The following PTPRK variants were observed in gnomAD, a reference collection of about 807,000 sequenced individuals.
PTPRK encodes receptor-type tyrosine-protein phosphatase kappa.
A neutral mutation model predicts 178.0 loss-of-function variants in PTPRK; 75 were observed. The observed-to-expected ratio is 0.42, with a 90% CI of 0.35 to 0.51. The LOEUF (loss-of-function observed/expected upper bound fraction) is 0.51, where lower values mean the gene tolerates loss of function less well. Among genes scored for constraint, PTPRK ranks in the 20% least tolerant of loss-of-function variants. PTPRK has a pLI of 0.02. For missense variants in PTPRK, 1,441 were observed against 1,797.8 expected (o/e 0.80, Z 3.59); for synonymous variants, 637 against 620.6 (o/e 1.03, Z -0.39).
rs185665030 is a variant in PTPRK at position 128,003,275 on chromosome 6, A to G, written c.2494+1809T>C. The G allele has an allele frequency of 1.1e-4, 167 of 1,529,132 alleles. 1 individual carries two copies. The African/African-American group carries it at 1.9e-3, about 18-fold the overall frequency. The allele number at this position is 1,529,132 out of a possible 1,614,324, so 94.7% of individuals were successfully genotyped here. A position where few individuals can be genotyped will look rare whatever the true frequency, so the allele number is the denominator to read the frequency against. ...TCATGAAGGAATATATTGCTCTAAA[A>G]TTGTTTTTTAAAATCTTTTTTCTTT... On this transcript the variant is annotated intron_variant, in intron 15 of 29. Transcript: ENST00000368226.
intron 1 of PTPRK, among the ~76,000 whole-genome samples, chr6:128,474,637 TCA>T (rs1344017732): frequency 6.6e-6 from 1 of 152,072 alleles, no homozygotes; most frequent in East Asian, 1.9e-4. Flanking sequence ...AACTGAAAAC[TCA>T]CAAGTGCCTC....
chr6:128,161,032 G>A (rs1798631639), intron 7 of PTPRK, among the ~76,000 whole-genome samples: 1 of 151,506 alleles, frequency 6.6e-6, no homozygotes, highest in East Asian at 1.9e-4. Flanking sequence ...AGACCAGATG[G>A]TCTTGTATTC....
Position 128,513,153 on chromosome 6 carries a change from G to A in PTPRK, c.100+7106C>T, listed in dbSNP as rs139065629. Among the ~76,000 whole-genome samples the A allele has an allele frequency of 3.5e-3, 534 of 151,996 alleles. 4 individuals are homozygous for A. Among genetic ancestry groups the A allele is most frequent in the African/African-American group, 0.012 (499 of 41,454 alleles). Reference sequence around the variant, plus strand: ...ATAGTACTGTTGTTTTGATGTGTCTGGAATATTAAATAATAATCAAGTAAA... The same window carrying A: ...ATAGTACTGTTGTTTTGATGTGTCTAGAATATTAAATAATAATCAAGTAAA... On this transcript the variant is annotated intron_variant, in intron 1 of 29. Transcript: ENST00000368226.
intron 3 of PTPRK, among the ~76,000 whole-genome samples, chr6:128,306,127 A>T (rs1826343669): frequency 1.3e-5 from 2 of 152,300 alleles, no homozygotes; most frequent in South Asian, 4.1e-4. Context: ...CCCTTGGCAC[A>T]TGGAGATTAT....
chr6:128,268,985 G>A (rs1819374857), intron 3 of PTPRK, among the ~76,000 whole-genome samples: 1 of 151,970 alleles, frequency 6.6e-6, no homozygotes, highest in African/African-American at 2.4e-5. Context: ...ATCAGAAACT[G>A]TATGGTTAAC....
At chr6:128,260,868 C>A (rs1367836221) in intron 3 of PTPRK, among the ~76,000 whole-genome samples, 1 of 152,136 alleles carries the variant, frequency 6.6e-6, no homozygotes. Flanking sequence ...AAAAATACTG[C>A]TTTAGCAAGC....
chr6:128,420,992 T>C (rs973237735), intron 1 of PTPRK, among the ~76,000 whole-genome samples: 2 of 152,260 alleles, frequency 1.3e-5, no homozygotes, highest in African/African-American at 2.4e-5. Flanking sequence ...TATGTTATTG[T>C]TTGCCAGCAT....
chr6:128,083,672 C>T (rs1250992136), intron 9 of PTPRK, 43 bp downstream of exon 9: 1 of 1,231,026 alleles, frequency 8.1e-7, no homozygotes, highest in African/African-American at 1.5e-5. Context: ...TCCTTTTAGT[C>T]CTTCAATCCA....
rs1322197369 is a variant in PTPRK, at chr6:128,194,028, G to C, written c.869-9303C>G. On this transcript the variant is annotated intron_variant, in intron 6 of 29. Coordinates refer to ENST00000368226, the MANE Select transcript of PTPRK (RefSeq NM_002844.4). The stretch of plus-strand genomic sequence containing the variant: ...TTCATTAATATCCATGTAGTGAATT[G>C]GTTTAGAATGATAAATCGCAATAAT... 6.1e-5 allele frequency among the ~76,000 whole-genome samples: 9 copies of C among 148,440 alleles called. No homozygotes were observed. In the South Asian group the frequency reaches 1.7e-3, roughly 28 times the overall value.
chr6:128,123,928 G>A (rs369678782), intron 7 of PTPRK, among the ~76,000 whole-genome samples: 1 of 152,180 alleles, frequency 6.6e-6, no homozygotes, highest in African/African-American at 2.4e-5. Flanking sequence ...ACCACAGCAA[G>A]AGCGTATACT....
intron 7 of PTPRK, among the ~76,000 whole-genome samples, chr6:128,170,272 C>T (rs1257905016): frequency 3.3e-5 from 5 of 151,984 alleles, no homozygotes; most frequent in Admixed American, 3.3e-4. Context: ...GGGAAGATAG[C>T]TACATCTTTG....
intron 16 of PTPRK, among the ~76,000 whole-genome samples, chr6:127,997,249 A>G (rs780726289): frequency 2.6e-5 from 4 of 152,166 alleles, no homozygotes; most frequent in African/African-American, 4.8e-5. Flanking sequence ...TTTTAAAATT[A>G]AGATCACTAT....
At chr6:128,298,896 AG>A (rs1308359859) in intron 3 of PTPRK, among the ~76,000 whole-genome samples, 1 of 152,294 alleles carries the variant, frequency 6.6e-6, no homozygotes, top group South Asian at 2.1e-4. Flanking sequence ...AAGGAAATAA[AG>A]GGTATTCAAT....
At chr6:128,029,933 T>C (rs554633856) in intron 13 of PTPRK, among the ~76,000 whole-genome samples, 3 of 152,016 alleles carry the variant, frequency 2.0e-5, no homozygotes, top group South Asian at 4.2e-4. Flanking sequence ...TAAGGGAGTG[T>C]TGTCAGATGA....
rs944740293 is a variant in PTPRK at position 127,973,939 on chromosome 6, G to A, written c.3970-112C>T. On this transcript the variant is annotated intron_variant, in intron 27 of 29. Coordinates refer to ENST00000368226, the MANE Select transcript of PTPRK (RefSeq NM_002844.4). The stretch of plus-strand genomic sequence containing the variant: ...TGGCATCTACACTGGATTGAGTCTA[G>A]CTGATATAAATCCTCAATATGTACA... The A allele has an allele frequency of 2.8e-6, 3 of 1,054,098 alleles. No homozygotes were observed. In the Admixed American group the frequency reaches 8.4e-5, roughly 29 times the overall value. The allele number at this position is 1,054,098 out of a possible 1,614,324, so 65.3% of individuals were successfully genotyped here. A position where few individuals can be genotyped will look rare whatever the true frequency, so the allele number is the denominator to read the frequency against.
intron 3 of PTPRK, among the ~76,000 whole-genome samples, chr6:128,300,728 G>T (rs985740208): frequency 7.2e-6 from 1 of 139,728 alleles, no homozygotes; most frequent in Non-Finnish European, 1.6e-5. Context: ...GGGGAGGGGG[G>T]ACGGATAGCT....
chr6:128,254,165 A>C (rs923548266), intron 3 of PTPRK, among the ~76,000 whole-genome samples: 1 of 152,202 alleles, frequency 6.6e-6, no homozygotes, highest in Non-Finnish European at 1.5e-5. Flanking sequence ...AGTTTGTAAG[A>C]GTAACTAGTT....
chr6:128,178,181 T>C (rs1414637809), intron 7 of PTPRK, among the ~76,000 whole-genome samples: 1 of 151,930 alleles, frequency 6.6e-6, no homozygotes, highest in African/African-American at 2.4e-5. Context: ...ATTATCCCTC[T>C]CTTCTTTGGA....
chr6:127,981,151 C>T lies in PTPRK; in HGVS notation c.3676G>A (p.Glu1226Lys), dbSNP rs780309494. 1 of 1,613,980 alleles carries T rather than the reference C, an allele frequency of 6.2e-7. No individual in the cohort carries two copies. Among genetic ancestry groups the T allele is most frequent in the East Asian group, 2.2e-5 (1 of 44,846 alleles). ...GCAGCATTGATGTAGTTACTGCTCT[C>T]CCCATCAATTGTAATTAAAAAAGGC... ...CLPFLITIDG[E>K]SSNYINAALM... The change falls in exon 25 of 30, where the codon GAG becomes AAG. Residue 1226 changes from glutamate (E) to lysine (K), a missense_variant. Coordinates refer to ENST00000368226, the MANE Select transcript of PTPRK (RefSeq NM_002844.4).
Sources: allele counts gnomAD v4.1 joint callset (sites outside exome capture counted in the v4.1 genomes callset), GRCh38; gene constraint gnomAD v4.1.1; transcripts MANE v1.5; gene names NCBI Gene and HGNC (gene_info 2026-07-23, HGNC 2026-07-21).